The following RAPGEFL1 variants were observed in gnomAD, a reference collection of about 807,000 sequenced individuals.
RAPGEFL1 encodes the protein rap guanine nucleotide exchange factor-like 1.
In RAPGEFL1, 31 loss-of-function variants were observed where a neutral mutation model predicts 64.4. That is an observed-to-expected ratio of 0.48 (90% CI 0.36 to 0.65). The LOEUF is 0.65. Among genes scored for constraint, RAPGEFL1 ranks in the 30% least tolerant of loss-of-function variants. The pLI is 0.00. For missense variants in RAPGEFL1, 682 were observed against 677.4 expected (o/e 1.01, Z -0.08); for synonymous variants, 331 against 274.1 (o/e 1.21, Z -2.05).
Position 40,177,598 on chromosome 17 carries a change from C to A in RAPGEFL1, c.-264C>A. 2 of 391,920 alleles carry A rather than the reference C, an allele frequency of 5.1e-6. No homozygotes were observed. Among genetic ancestry groups the A allele is most frequent in the Non-Finnish European group, 8.9e-6 (2 of 225,290 alleles). 24.3% of individuals were successfully genotyped at this position (391,920 alleles called of 1,614,324 possible). A position where few individuals can be genotyped will look rare whatever the true frequency, so the allele number is the denominator to read the frequency against. ...CCGGGCGCACCGGCCCCGCAGCCTG[C>A]CCACTCTTCGGGCCGCGTGCCGGCT... is the stretch of plus-strand genomic sequence containing the variant. On this transcript the variant is annotated 5_prime_UTR_variant, in exon 1 of 15. Coordinates refer to ENST00000620260, the MANE Select transcript of RAPGEFL1 (RefSeq NM_016339.6).
At chr17:40,192,064 T>A (rs1229187239) in intron 10 of RAPGEFL1, 149 bp from the exon 11 acceptor site, 2 of 725,970 alleles carry the variant, frequency 2.8e-6, no homozygotes, top group Non-Finnish European at 4.9e-6. Flanking sequence ...AGCCAAGGCC[T>A]GACTTCATTT....
At chr17:40,182,516 G>T (rs1444547867) in intron 2 of RAPGEFL1, among the ~76,000 whole-genome samples, 1 of 152,194 alleles carries the variant, frequency 6.6e-6, no homozygotes, top group Non-Finnish European at 1.5e-5. Context: ...GTTTCACCAT[G>T]TTGCCCAGGC....
In RAPGEFL1 at chr17:40,192,981, C is replaced by T. The variant is rs201658096; in HGVS notation, c.1800C>T (p.Ile600=). 5.6e-6 allele frequency: 9 copies of T among 1,613,834 alleles called. No homozygotes were observed. The African/African-American group carries it at 8.0e-5, about 14-fold the overall frequency. The change falls in exon 13 of 15, where the codon ATC becomes ATT. Residue 600 remains isoleucine, a synonymous_variant. Transcript: ENST00000620260. ...CCCTTGTAGATGGTTTGGTGAACATCGAGAAGCTGGTGAGTGAGTGGCACT... is the reference window on the plus strand; with the variant it reads ...CCCTTGTAGATGGTTTGGTGAACATTGAGAAGCTGGTGAGTGAGTGGCACT... The part of the protein sequence containing the change: ...SKTLVDGLVN[I]EKLHSVAEKV...
chr17:40,182,495 G>T (rs1170996632), intron 2 of RAPGEFL1, among the ~76,000 whole-genome samples: 1 of 152,098 alleles, frequency 6.6e-6, no homozygotes, highest in Non-Finnish European at 1.5e-5. Context: ...GTATTTTTTG[G>T]TGGAGACGGA....
At chr17:40,189,084 C>A in intron 5 of RAPGEFL1, 106 bp downstream of exon 5, 1 of 1,459,746 alleles carries the variant, frequency 6.9e-7, no homozygotes, top group Non-Finnish European at 9.6e-7. Flanking sequence ...GTAGAACCAG[C>A]CCCTTTCACA....
chr17:40,191,492 C>A lies in RAPGEFL1; in HGVS notation c.1512C>A (p.Ala504=). The change falls in exon 9 of 15, where the codon GCC becomes GCA. Residue 504 remains alanine, a splice_region_variant and synonymous_variant. Coordinates refer to ENST00000620260, the MANE Select transcript of RAPGEFL1 (RefSeq NM_016339.6). This position sits in a 1 kb window ranked among gnomAD's most constrained non-coding sequence, Gnocchi z 5.1. ...QLLKKFIKIA[A]LCKQNQDLLS... is the part of the protein sequence containing the mutation. ...TCAAGAAGTTCATCAAGATCGCGGC[C>A]CTGTGAGTGCGGCCGTCGGCGGGAT... is the stretch of plus-strand genomic sequence containing the variant. The A allele has an allele frequency of 6.2e-7, 1 of 1,602,628 alleles. No individual in the cohort carries two copies. Among genetic ancestry groups the A allele is most frequent in the Non-Finnish European group, 8.5e-7 (1 of 1,176,612 alleles).
At chr17:40,181,800 G>T in intron 2 of RAPGEFL1, 106 bp downstream of exon 2, 5 of 654,494 alleles carry the variant, frequency 7.6e-6, no homozygotes, top group Non-Finnish European at 1.4e-5. Flanking sequence ...ACATACCTGG[G>T]GCCGAGTGCA....
rs1199726943 is a variant in RAPGEFL1 at position 40,193,900 on chromosome 17, C to G, written c.*112C>G. On this transcript the variant is annotated 3_prime_UTR_variant, in exon 15 of 15. Coordinates refer to ENST00000620260, the MANE Select transcript of RAPGEFL1 (RefSeq NM_016339.6). Reference sequence around the variant, plus strand: ...CTTTCCCGTGGAGCAACTTCCTGCTCCACGGGAAAGAGGTCGATGGATTTA... The same window carrying G: ...CTTTCCCGTGGAGCAACTTCCTGCTGCACGGGAAAGAGGTCGATGGATTTA... 1 of 1,438,192 alleles carries G rather than the reference C, an allele frequency of 7.0e-7. No individual in the cohort carries two copies. The highest frequency in any genetic ancestry group is 9.4e-7 in the Non-Finnish European group (1 of 1,065,126). 89.1% of individuals were successfully genotyped at this position (1,438,192 alleles called of 1,614,324 possible). A position where few individuals can be genotyped will look rare whatever the true frequency, so the allele number is the denominator to read the frequency against.
chr17:40,190,063 G>A (rs1426270990), intron 6 of RAPGEFL1, among the ~76,000 whole-genome samples: 3 of 152,124 alleles, frequency 2.0e-5, no homozygotes, highest in Non-Finnish European at 2.9e-5. Context: ...ACCTCCCTGT[G>A]TATGTAAGGA....
In RAPGEFL1 at chr17:40,191,252, A is replaced by C. The variant is rs936769571; in HGVS notation, c.1336-64A>C. On this transcript the variant is annotated intron_variant, in intron 8 of 14. Transcript: ENST00000620260. This position sits in a 1 kb window ranked among gnomAD's most constrained non-coding sequence, Gnocchi z 5.1. ...TCGCTCCTCATCGCCTTGCACTGCCATCTTCCCACCCACTCCCCTCACCCC... is the reference window on the plus strand; with the variant it reads ...TCGCTCCTCATCGCCTTGCACTGCCCTCTTCCCACCCACTCCCCTCACCCC... 35 of 1,432,738 alleles carry C rather than the reference A, an allele frequency of 2.4e-5. No individual in the cohort carries two copies. Among genetic ancestry groups the C allele is most frequent in the African/African-American group, 1.5e-5 (1 of 67,290 alleles). 88.8% of individuals were successfully genotyped at this position (1,432,738 alleles called of 1,614,324 possible).
intron 11 of RAPGEFL1, 86 bp downstream of exon 11, chr17:40,192,349 C>A: frequency 6.9e-7 from 1 of 1,458,836 alleles, no homozygotes; most frequent in Non-Finnish European, 9.6e-7. Context: ...TCAAGCTTTC[C>A]TTTCAAGGTG....
At chr17:40,188,718 T>C (rs527349931) in intron 4 of RAPGEFL1, 148 bp from the exon 5 acceptor site, 13 of 653,342 alleles carry the variant, frequency 2.0e-5, no homozygotes, top group Non-Finnish European at 3.3e-5. Flanking sequence ...CTGCTCATTG[T>C]CCTCTCTTCT....
chr17:40,182,733 C>T (rs1989930757), intron 2 of RAPGEFL1, among the ~76,000 whole-genome samples: 1 of 152,198 alleles, frequency 6.6e-6, no homozygotes, highest in Non-Finnish European at 1.5e-5. Context: ...GGTTGTGCTT[C>T]AGTAGGGTCC....
rs184395675 is a variant in RAPGEFL1 at position 40,178,580 on chromosome 17, A to G, written c.520+199A>G. Among the ~76,000 whole-genome samples, 342 of 152,306 alleles carry G rather than the reference A, an allele frequency of 2.2e-3. 2 individuals carry two copies. Among genetic ancestry groups the G allele is most frequent in the African/African-American group, 7.8e-3 (325 of 41,574 alleles). ...CAGTACTCACCTTCCTCCCTACAGC[A>G]GCCTCACCCTCGTCTGGAGAAGCAG... On this transcript the variant is annotated intron_variant, in intron 1 of 14. Coordinates refer to ENST00000620260, the MANE Select transcript of RAPGEFL1 (RefSeq NM_016339.6).
rs184140683 is a variant in RAPGEFL1, at chr17:40,189,109, G to C, written c.947-99G>C. ...CCCCTTTCACAGGACCTTCTTCAGAGGCCAGCCTCTGGTGGGGAATAGAGG... is the reference window on the plus strand; with the variant it reads ...CCCCTTTCACAGGACCTTCTTCAGACGCCAGCCTCTGGTGGGGAATAGAGG... On this transcript the variant is annotated intron_variant, in intron 5 of 14. Transcript: ENST00000620260. The C allele has an allele frequency of 2.0e-6, 3 of 1,486,548 alleles. No individual in the cohort carries two copies. In the African/African-American group the frequency reaches 4.2e-5, roughly 21 times the overall value. 92.1% of individuals were successfully genotyped at this position (1,486,548 alleles called of 1,614,324 possible). A position where few individuals can be genotyped will look rare whatever the true frequency, so the allele number is the denominator to read the frequency against.
At chr17:40,184,453 A>G (rs1182514328) in intron 3 of RAPGEFL1, 104 bp downstream of exon 3, 1 of 1,231,440 alleles carries the variant, frequency 8.1e-7, no homozygotes, top group East Asian at 2.3e-5. Flanking sequence ...GAAGGAAGAG[A>G]TGCCAGGGGG....
rs377071134 is a variant in RAPGEFL1 at position 40,191,643 on chromosome 17, G to A, written c.1576G>A (p.Ala526Thr). The A allele has an allele frequency of 1.7e-5, 27 of 1,607,376 alleles. No individual in the cohort carries two copies. The highest frequency in any genetic ancestry group is 2.2e-5 in the Non-Finnish European group (26 of 1,176,436). The change falls in exon 10 of 15, where the codon GCT becomes ACT. Residue 526 changes from alanine (A) to threonine (T), a missense_variant. Coordinates refer to ENST00000620260, the MANE Select transcript of RAPGEFL1 (RefSeq NM_016339.6). The surrounding 1 kb of genome is among the most constrained non-coding windows in gnomAD (Gnocchi z 5.1). Reference protein sequence around the residue: ...YAVVMGLDNAAVSRLRLTWEK... With the variant: ...YAVVMGLDNATVSRLRLTWEK... Reference sequence around the variant, plus strand: ...CGTGGTCATGGGGCTGGACAACGCCGCTGTCAGCCGCCTTCGACTCACCTG... The same window carrying A: ...CGTGGTCATGGGGCTGGACAACGCCACTGTCAGCCGCCTTCGACTCACCTG...
intron 3 of RAPGEFL1, 92 bp downstream of exon 3, chr17:40,184,441 T>A: frequency 7.7e-7 from 1 of 1,292,928 alleles, no homozygotes; most frequent in Non-Finnish European, 1.1e-6. Context: ...TCTGGGTACC[T>A]GGAAGGAAGA....
At position 40,190,459 on chromosome 17, in the gene RAPGEFL1, G is replaced by A. The variant is rs370744223; in HGVS notation, c.1140G>A (p.Glu380=). The change falls in exon 7 of 15, where the codon GAG becomes GAA. Residue 380 remains glutamate, a synonymous_variant. Transcript: ENST00000620260. ...SGEKVLLQPT[E]DCVFTALGIN... ...AGAAGGTCCTTCTCCAGCCCACTGA[G>A]GACTGTGTTTTCACCGCACTGGGCA... 6.9e-5 allele frequency: 112 copies of A among 1,614,062 alleles called. 1 individual carries two copies. The Middle Eastern group carries it at 9.9e-4, about 14-fold the overall frequency.
Sources: gnomAD v4.1 joint callset for allele counts (sites outside exome capture counted in the v4.1 genomes callset) on GRCh38, gnomAD v4.1.1 for gene constraint, Gnocchi (gnomAD v3.1) non-coding constraint, MANE v1.5 for transcripts, NCBI Gene and HGNC (gene_info 2026-07-23, HGNC 2026-07-21) for gene names.